ARHGAP22: variants seen among roughly 807,000 people sequenced by gnomAD.
ARHGAP22 encodes rho GTPase-activating protein 22.
In ARHGAP22, 48 loss-of-function variants were observed where a neutral mutation model predicts 59.1. That is an observed-to-expected ratio of 0.81 (90% CI 0.64 to 1.03). The LOEUF (loss-of-function observed/expected upper bound fraction) is 1.03. Among genes scored for constraint, ARHGAP22 ranks in the 50% least tolerant of loss-of-function variants. The pLI is 0.00. For missense variants in ARHGAP22, 1,015 were observed against 958.7 expected (o/e 1.06, Z -0.78); for synonymous variants, 445 against 416.4 (o/e 1.07, Z -0.84).
At chr10:48,625,693 TACACACAC>T (rs56897057) in intron 1 of ARHGAP22, among the ~76,000 whole-genome samples, 2,269 of 138,946 alleles carry the variant, frequency 0.016, 49 homozygotes, top group African/African-American at 0.049. Context: ...CTGCAACGTG[TACACACAC>T]ACACACACAC....
chr10:48,465,053 T>A (rs1163589360), intron 4 of ARHGAP22, among the ~76,000 whole-genome samples: 3 of 152,086 alleles, frequency 2.0e-5, no homozygotes, highest in African/African-American at 7.2e-5. Flanking sequence ...ATCCCTCCCC[T>A]CATCAGGGTC....
chr10:48,447,232 C>T (rs1013503339), intron 9 of ARHGAP22, among the ~76,000 whole-genome samples: 4 of 152,254 alleles, frequency 2.6e-5, no homozygotes, highest in Non-Finnish European at 5.9e-5. Context: ...CATGCAGGCT[C>T]ATGCTGCAGT....
chr10:48,609,958 C>T (rs1337439361), upstream of ARHGAP22, among the ~76,000 whole-genome samples: 1 of 152,208 alleles, frequency 6.6e-6, no homozygotes, highest in East Asian at 1.9e-4. Flanking sequence ...ACTTTGGTGG[C>T]CTTGCCCTGC....
At chr10:48,525,207 T>C (rs1465612030) in intron 3 of ARHGAP22, among the ~76,000 whole-genome samples, 2 of 152,150 alleles carry the variant, frequency 1.3e-5, no homozygotes, top group Non-Finnish European at 2.9e-5. Flanking sequence ...CCCAGGAAAG[T>C]CTATGGAAGG....
intron 4 of ARHGAP22, among the ~76,000 whole-genome samples, chr10:48,474,872 T>A (rs1187439046): frequency 6.6e-6 from 1 of 152,236 alleles, no homozygotes; most frequent in Non-Finnish European, 1.5e-5. Flanking sequence ...ATGATTTTTG[T>A]ATCTATATCC....
chr10:48,475,095 A>G (rs891648494), intron 4 of ARHGAP22, among the ~76,000 whole-genome samples: 4 of 151,994 alleles, frequency 2.6e-5, no homozygotes, highest in Non-Finnish European at 4.4e-5. Flanking sequence ...CCCTCCTATC[A>G]TCCTTTCTCA....
At chr10:48,643,770 T>A (rs1015401205) in intron 1 of ARHGAP22, among the ~76,000 whole-genome samples, 5 of 148,690 alleles carry the variant, frequency 3.4e-5, no homozygotes, top group South Asian at 2.1e-4. Flanking sequence ...AAAAAATATA[T>A]ATATATATAT....
upstream of ARHGAP22, among the ~76,000 whole-genome samples, chr10:48,654,754 C>G (rs897583682): frequency 6.6e-6 from 1 of 151,432 alleles, no homozygotes; most frequent in Admixed American, 6.6e-5. Flanking sequence ...GTTAGTTCCT[C>G]TCCTTGGACA....
In ARHGAP22 at chr10:48,547,874, TAC is replaced by T. The variant is rs1425549930; in HGVS notation, c.322+7587_322+7588del. Among the ~76,000 whole-genome samples the T allele has an allele frequency of 6.6e-5, 10 of 152,264 alleles. No individual in the cohort carries two copies. In the South Asian group the frequency reaches 1.9e-3, roughly 28 times the overall value. On this transcript the variant is annotated intron_variant, in intron 3 of 9. Transcript: ENST00000249601. ...GATGTGACACTCAGCCCTGCAGAAA[TAC>T]AGTCATGGACCATCTGGAGCAGTGA... is the stretch of plus-strand genomic sequence containing the variant.
chr10:48,602,229 C>A (rs943450961), intron 1 of ARHGAP22, among the ~76,000 whole-genome samples: 6 of 152,244 alleles, frequency 3.9e-5, no homozygotes, highest in Middle Eastern at 3.4e-3. Flanking sequence ...TCTCTCCCCA[C>A]CCCCAAAGTA....
rs767460826 is a variant in ARHGAP22 at position 48,451,087 on chromosome 10, G to T, written c.1042C>A (p.Leu348Ile). 18 of 1,553,156 alleles carry T rather than the reference G, an allele frequency of 1.2e-5. No individual in the cohort carries two copies. The Middle Eastern group carries it at 2.2e-3, about 187-fold the overall frequency. ...CCTTCCGGGACCGGTGCCGTGAAGA[G>T]CTGGCTGTGTTTGCGGATGAGGACG... is the stretch of plus-strand genomic sequence containing the variant. Reference protein sequence around the residue: ...MTVLIRKHSQLFTAPVPEGPT... With the variant: ...MTVLIRKHSQIFTAPVPEGPT... The change falls in exon 9 of 10, where the codon CTC (leucine) becomes ATC (isoleucine). Residue 348 changes from leucine to isoleucine, a missense_variant. Transcript: ENST00000249601.
At position 48,446,588 on chromosome 10, in the gene ARHGAP22, G is replaced by T. The variant is rs1347475923; in HGVS notation, c.1900C>A (p.Arg634=). The change falls in exon 10 of 10, where the codon CGA becomes AGA. Residue 634 remains arginine, a synonymous_variant. Transcript: ENST00000249601. ...IEEGSADLRK[R]MSRLEEELDQ... Reference sequence around the variant, plus strand: ...AGTTCTTCTTCTAACCGGGACATTCGTTTTCTCAGGTCAGCACTCCCTTCT... The same window carrying T: ...AGTTCTTCTTCTAACCGGGACATTCTTTTTCTCAGGTCAGCACTCCCTTCT... 3 of 1,614,014 alleles carry T rather than the reference G, an allele frequency of 1.9e-6. No individual in the cohort carries two copies. In the South Asian group the frequency reaches 3.3e-5, roughly 18 times the overall value.
At chr10:48,577,368 T>C (rs55819278) in intron 2 of ARHGAP22, among the ~76,000 whole-genome samples, 3 of 152,344 alleles carry the variant, frequency 2.0e-5, no homozygotes, top group Non-Finnish European at 4.4e-5. Context: ...TTTCCTCAAA[T>C]GTCTGCTGAA....
intron 4 of ARHGAP22, among the ~76,000 whole-genome samples, chr10:48,470,298 C>T (rs2048112164): frequency 6.6e-6 from 1 of 152,206 alleles, no homozygotes; most frequent in Non-Finnish European, 1.5e-5. Flanking sequence ...GTAGTGACAG[C>T]CCCCTGTAAA....
At position 48,473,405 on chromosome 10, in the gene ARHGAP22, C is replaced by T. The variant is rs376960206; in HGVS notation, c.451+6231G>A. On this transcript the variant is annotated intron_variant, in intron 4 of 9. Transcript: ENST00000249601. Reference sequence around the variant, plus strand: ...GAGAGGGATGGTGGTGATGGTTGTACAACAGTGTGAATACACTTAATGCCA... The same window carrying T: ...GAGAGGGATGGTGGTGATGGTTGTATAACAGTGTGAATACACTTAATGCCA... Among the ~76,000 whole-genome samples, 4 of 152,134 alleles carry T rather than the reference C, an allele frequency of 2.6e-5. No homozygotes were observed. In the East Asian group the frequency reaches 7.7e-4, roughly 29 times the overall value.
In ARHGAP22 at chr10:48,459,850, G is replaced by T; in HGVS notation, c.493C>A (p.Arg165=). Residue 165 remains arginine (R), a synonymous_variant, in exon 5 of 10, where the codon CGG becomes AGG. Coordinates refer to ENST00000249601, the MANE Select transcript of ARHGAP22 (RefSeq NM_021226.4). The part of the protein sequence containing the change: ...QRLEETVHHE[R]KYGPRLAPLL... ...GGCGCCAGGCGGGGGCCATACTTCC[G>T]CTCGTGGTGGACTGTTTCCTCTAGG... 1 of 1,613,206 alleles carries T rather than the reference G, an allele frequency of 6.2e-7. No individual in the cohort carries two copies. Among genetic ancestry groups the T allele is most frequent in the Non-Finnish European group, 8.5e-7 (1 of 1,180,034 alleles).
intron 3 of ARHGAP22, among the ~76,000 whole-genome samples, chr10:48,480,656 T>C (rs2134087137): frequency 6.6e-6 from 1 of 152,358 alleles, no homozygotes; most frequent in African/African-American, 2.4e-5. Flanking sequence ...ACCTGGTACG[T>C]GCCTGGGACA....
intron 3 of ARHGAP22, among the ~76,000 whole-genome samples, chr10:48,537,416 G>A (rs2055468354): frequency 6.6e-6 from 1 of 152,172 alleles, no homozygotes; most frequent in Non-Finnish European, 1.5e-5. Flanking sequence ...CCTCACTATG[G>A]GTGTGTTGCT....
At position 48,556,958 on chromosome 10, in the gene ARHGAP22, T is replaced by C. The variant is rs112099557; in HGVS notation, c.235-1408A>G. Reference sequence around the variant, plus strand: ...TTCACAGGGTGATGGGAGCCTCCCATGTGCTGCTGGAATCCTGCGCTCCAA... The same window carrying C: ...TTCACAGGGTGATGGGAGCCTCCCACGTGCTGCTGGAATCCTGCGCTCCAA... On this transcript the variant is annotated intron_variant, in intron 2 of 9. Transcript: ENST00000249601. Among the ~76,000 whole-genome samples the C allele has an allele frequency of 4.7e-3, 720 of 152,308 alleles. 6 individuals are homozygous for C. The highest frequency in any genetic ancestry group is 0.011 in the Admixed American group (172 of 15,306).
Sources: gnomAD v4.1 joint callset for allele counts (sites outside exome capture counted in the v4.1 genomes callset) on GRCh38, gnomAD v4.1.1 for gene constraint, MANE v1.5 for transcripts, NCBI Gene and HGNC (gene_info 2026-07-23, HGNC 2026-07-21) for gene names.